The following PPP4R4 variants were observed in gnomAD, a reference collection of about 807,000 sequenced individuals.
PPP4R4 encodes serine/threonine-protein phosphatase 4 regulatory subunit 4.
Under a neutral mutation model 121.8 loss-of-function variants are expected in PPP4R4, and 70 were observed. The observed-to-expected ratio is 0.57, with a 90% CI of 0.47 to 0.70. PPP4R4 has a LOEUF of 0.70. Ranked by LOEUF, PPP4R4 falls within the 30% of genes least tolerant of loss-of-function variation. The probability of loss-of-function intolerance (pLI) is 0.00; values close to 1 mark genes in which losing one functional copy is unlikely to be tolerated. For missense variants in PPP4R4, 875 were observed against 1,033.6 expected (o/e 0.85, Z 2.10); for synonymous variants, 348 against 355.7 (o/e 0.98, Z 0.24).
At position 94,174,435 on chromosome 14, in the gene PPP4R4, C is replaced by G; in HGVS notation, c.-31C>G. ...GGCGTCCGGCATCCCGGGGCCGCTC[C>G]GGCCCGGGCGGCGAGAGTGCCCGGC... On this transcript the variant is annotated 5_prime_UTR_variant, in exon 1 of 25. Coordinates refer to ENST00000304338, the MANE Select transcript of PPP4R4 (RefSeq NM_058237.2). The G allele has an allele frequency of 6.5e-7, 1 of 1,530,798 alleles. No homozygotes were observed. Among genetic ancestry groups the G allele is most frequent in the African/African-American group, 1.4e-5 (1 of 70,052 alleles). 94.8% of individuals were successfully genotyped at this position (1,530,798 alleles called of 1,614,324 possible). A position where few individuals can be genotyped will look rare whatever the true frequency, so the allele number is the denominator to read the frequency against.
chr14:94,185,461 T>C (rs550316599), intron 2 of PPP4R4, among the ~76,000 whole-genome samples: 3 of 152,050 alleles, frequency 2.0e-5, no homozygotes, highest in Admixed American at 6.6e-5. Context: ...AAGCCACGAG[T>C]GTGCCACTGA....
In PPP4R4 at chr14:94,255,615, A is replaced by T. The variant is rs527665085; in HGVS notation, c.1866-845A>T. On this transcript the variant is annotated intron_variant, in intron 16 of 24. Transcript: ENST00000304338. ...GACTCTGTCTCAAAAAAAAAAAAAA[A>T]TGGTATTCAGAATCCAACTACTTCT... Among the ~76,000 whole-genome samples the T allele has an allele frequency of 1.7e-4, 25 of 150,262 alleles. No homozygotes were observed. In the South Asian group the frequency reaches 5.3e-3, roughly 32 times the overall value.
intron 16 of PPP4R4, among the ~76,000 whole-genome samples, chr14:94,255,448 G>T (rs1338813876): frequency 6.6e-6 from 1 of 151,866 alleles, no homozygotes; most frequent in African/African-American, 2.4e-5. Context: ...AATACAAAAA[G>T]AAATTAGCCA....
chr14:94,254,091 A>G (rs1446967873), intron 16 of PPP4R4, among the ~76,000 whole-genome samples: 1 of 152,220 alleles, frequency 6.6e-6, no homozygotes, highest in Non-Finnish European at 1.5e-5. Flanking sequence ...GGTACAAATA[A>G]CTGAGATAAT....
intron 2 of PPP4R4, among the ~76,000 whole-genome samples, chr14:94,204,794 G>A (rs1391077681): frequency 6.6e-6 from 1 of 151,984 alleles, no homozygotes; most frequent in African/African-American, 2.4e-5. Flanking sequence ...TATTTTGTTA[G>A]TTTTTTGGAG....
intron 11 of PPP4R4, among the ~76,000 whole-genome samples, chr14:94,242,965 C>T (rs141081022): frequency 2.6e-5 from 4 of 152,204 alleles, no homozygotes; most frequent in African/African-American, 7.2e-5. Flanking sequence ...AAGAAGTGCA[C>T]GTATGCCGTG....
chr14:94,208,399 T>C, intron 2 of PPP4R4, 65 bp from the exon 3 acceptor site: 1 of 1,257,982 alleles, frequency 7.9e-7, no homozygotes. Context: ...GTCCATACTT[T>C]TTATAACTGT....
At chr14:94,278,527 A>T in intron 24 of PPP4R4, 92 bp from the exon 25 acceptor site, 1 of 707,318 alleles carries the variant, frequency 1.4e-6, no homozygotes, top group South Asian at 2.1e-5. Context: ...ACATTATATG[A>T]ATAACATTTT....
chr14:94,175,236 C>T (rs1888613817), intron 1 of PPP4R4, among the ~76,000 whole-genome samples: 1 of 151,860 alleles, frequency 6.6e-6, no homozygotes. Context: ...GCTTCCCAGC[C>T]AGCACTCTTT....
intron 2 of PPP4R4, among the ~76,000 whole-genome samples, chr14:94,194,390 T>C (rs1889753996): frequency 6.6e-6 from 1 of 152,232 alleles, no homozygotes; most frequent in Non-Finnish European, 1.5e-5. Context: ...CAGCTCAAGT[T>C]GTAACCATGA....
intron 2 of PPP4R4, among the ~76,000 whole-genome samples, chr14:94,179,841 C>T (rs1197538609): frequency 6.6e-6 from 1 of 152,168 alleles, no homozygotes; most frequent in African/African-American, 2.4e-5. Flanking sequence ...AGGACAAGGG[C>T]AAGCTTTCTT....
chr14:94,175,057 G>C (rs964134003), intron 1 of PPP4R4, among the ~76,000 whole-genome samples: 1 of 140,384 alleles, frequency 7.1e-6, no homozygotes, highest in South Asian at 2.2e-4. Flanking sequence ...CCTCTGGTCC[G>C]CTGACGCCGC....
intron 2 of PPP4R4, among the ~76,000 whole-genome samples, chr14:94,181,383 A>G (rs1340045042): frequency 6.6e-6 from 1 of 152,228 alleles, no homozygotes; most frequent in Non-Finnish European, 1.5e-5. Context: ...GGACTTTTGC[A>G]TTCTTCACAA....
At chr14:94,258,361 T>G (rs2139621153) in intron 17 of PPP4R4, among the ~76,000 whole-genome samples, 1 of 152,306 alleles carries the variant, frequency 6.6e-6, no homozygotes, top group South Asian at 2.1e-4. Context: ...GATATAAAAT[T>G]TCTACAGAAG....
intron 22 of PPP4R4, 115 bp downstream of exon 22, chr14:94,266,002 G>A (rs983663271): frequency 2.4e-5 from 17 of 716,952 alleles, no homozygotes; most frequent in Non-Finnish European, 3.7e-5. Context: ...TTTTTTATAG[G>A]CCAGTATTTT....
chr14:94,197,677 C>T (rs1889957382), intron 2 of PPP4R4, among the ~76,000 whole-genome samples: 2 of 152,160 alleles, frequency 1.3e-5, no homozygotes, highest in South Asian at 4.2e-4. Context: ...AGCATATCCA[C>T]CTCCGAAAAT....
chr14:94,244,512 G>A (rs1892789040), intron 11 of PPP4R4, 123 bp from the exon 12 acceptor site: 2 of 773,578 alleles, frequency 2.6e-6, no homozygotes, highest in South Asian at 4.3e-5. Context: ...TTTTATATTT[G>A]TGTTATAACA....
chr14:94,274,857 T>C (rs1894547847), intron 23 of PPP4R4, among the ~76,000 whole-genome samples: 1 of 152,182 alleles, frequency 6.6e-6, no homozygotes, highest in Non-Finnish European at 1.5e-5. Context: ...AGCAGCTTTA[T>C]TTGTAATATA....
At chr14:94,174,705 C>A in intron 1 of PPP4R4, 123 bp downstream of exon 1, 4 of 1,443,328 alleles carry the variant, frequency 2.8e-6, no homozygotes, top group Non-Finnish European at 3.7e-6. Context: ...CCCTCTCAGT[C>A]GGGCCGGCCC....
Sources: allele counts gnomAD v4.1 joint callset (sites outside exome capture counted in the v4.1 genomes callset), GRCh38; gene constraint gnomAD v4.1.1; transcripts MANE v1.5; gene names NCBI Gene and HGNC (gene_info 2026-07-23, HGNC 2026-07-21).